LZIC: variants seen among roughly 807,000 people sequenced by gnomAD.
LZIC encodes leucine zipper and CTNNBIP1 domain containing.
A neutral mutation model predicts 25.4 loss-of-function variants in LZIC; 28 were observed. The ratio of observed to expected loss-of-function variants is 1.10; its 90% CI spans 0.82 to 1.51. The LOEUF (loss-of-function observed/expected upper bound fraction) is 1.51, where lower values mean the gene tolerates loss of function less well. Among genes scored for constraint, LZIC ranks in the 40% most tolerant of loss-of-function variants. LZIC has a pLI of 0.00. For missense variants in LZIC, 170 were observed against 211.1 expected (o/e 0.81, Z 1.21); for synonymous variants, 65 against 70.7 (o/e 0.92, Z 0.40).
rs924784426 is a variant in LZIC, at chr1:9,927,061, C to T, written c.*3338G>A. ...ATCCTATGAGGTAGGCCCTATTATC[C>T]TCATTGAATAGAAGAGAAAAGGAGG... On this transcript the variant is annotated 3_prime_UTR_variant, in exon 8 of 8. Coordinates refer to ENST00000377223, the MANE Select transcript of LZIC (RefSeq NM_032368.5). Among the ~76,000 whole-genome samples, 1 of 152,132 alleles carries T rather than the reference C, an allele frequency of 6.6e-6. No individual in the cohort carries two copies. The highest frequency in any genetic ancestry group is 6.6e-5 in the Admixed American group (1 of 15,252).
intron 6 of LZIC, 139 bp from the exon 7 acceptor site, chr1:9,932,111 G>T (rs541890644): frequency 8.7e-5 from 44 of 505,702 alleles, no homozygotes; most frequent in South Asian, 4.3e-4. Flanking sequence ...TGGGGGGGGG[G>T]GGGGGGTGGA....
downstream of LZIC, chr1:9,922,262 T>G (rs1461531990): frequency 2.0e-6 from 2 of 982,984 alleles, no homozygotes; most frequent in Non-Finnish European, 2.4e-6. Context: ...TATTCACAGG[T>G]CCTGGATCTT....
Position 9,927,305 on chromosome 1 carries a change from TAAC to T in LZIC, c.*3091_*3093del, listed in dbSNP as rs1036048039. ...CAAGATTAAGGATTCCAGATTCAGG[TAAC>T]TCTCTTTATCTTTTTTTTAGACAGG... is the stretch of plus-strand genomic sequence containing the variant. On this transcript the variant is annotated 3_prime_UTR_variant, in exon 8 of 8. Transcript: ENST00000377223. Among the ~76,000 whole-genome samples the T allele has an allele frequency of 1.3e-5, 2 of 152,142 alleles. No individual in the cohort carries two copies. Among genetic ancestry groups the T allele is most frequent in the Non-Finnish European group, 2.9e-5 (2 of 68,014 alleles).
Position 9,936,759 on chromosome 1 carries a change from G to A in LZIC, c.-8-132C>T. Reference sequence around the variant, plus strand: ...GGTCTCGGAACATCTGGCCTAAAGTGACCCTCCCATCTTGGACTACCAAAG... The same window carrying A: ...GGTCTCGGAACATCTGGCCTAAAGTAACCCTCCCATCTTGGACTACCAAAG... On this transcript the variant is annotated intron_variant, in intron 2 of 7. Transcript: ENST00000377223. The A allele has an allele frequency of 9.5e-6, 6 of 632,572 alleles. No homozygotes were observed. In the East Asian group the frequency reaches 1.4e-4, roughly 15 times the overall value. 39.2% of individuals were successfully genotyped at this position (632,572 alleles called of 1,614,324 possible).
chr1:9,922,202 G>A (rs1452162846), downstream of LZIC: 1 of 704,064 alleles, frequency 1.4e-6, no homozygotes, highest in Non-Finnish European at 1.7e-6. Flanking sequence ...TTCTTGTGCT[G>A]GGCTTTAACT....
intron 5 of LZIC, 62 bp downstream of exon 5, chr1:9,934,700 T>C (rs924559205): frequency 7.1e-7 from 1 of 1,411,928 alleles, no homozygotes; most frequent in Non-Finnish European, 1.0e-6. Flanking sequence ...TAGGATATCA[T>C]AATGAATTGG....
chr1:9,923,844 C>A (rs1639918168), downstream of LZIC, among the ~76,000 whole-genome samples: 1 of 152,066 alleles, frequency 6.6e-6, no homozygotes, highest in South Asian at 2.1e-4. Flanking sequence ...CCTCTGCCTC[C>A]CAGGTTCAAG....
In LZIC at chr1:9,927,300, T is replaced by C. The variant is rs1390706301; in HGVS notation, c.*3099A>G. ...AAAACCAAGATTAAGGATTCCAGAT[T>C]CAGGTAACTCTCTTTATCTTTTTTT... On this transcript the variant is annotated 3_prime_UTR_variant, in exon 8 of 8. Coordinates refer to ENST00000377223, the MANE Select transcript of LZIC (RefSeq NM_032368.5). Among the ~76,000 whole-genome samples the C allele has an allele frequency of 6.6e-6, 1 of 152,166 alleles. No individual in the cohort carries two copies. Among genetic ancestry groups the C allele is most frequent in the Admixed American group, 6.6e-5 (1 of 15,258 alleles).
Position 9,929,437 on chromosome 1 carries a change from C to T in LZIC, c.*962G>A. On this transcript the variant is annotated 3_prime_UTR_variant, in exon 8 of 8. Transcript: ENST00000377223. ...TTGAGCATACAGAGACATGTAAATA[C>T]TCAGGAGAGAAATTTGCTTTTCCTC... is the stretch of plus-strand genomic sequence containing the variant. The T allele has an allele frequency of 1.0e-6, 1 of 985,382 alleles. No homozygotes were observed. Among genetic ancestry groups the T allele is most frequent in the Non-Finnish European group, 1.2e-6 (1 of 829,908 alleles). 61.0% of individuals were successfully genotyped at this position (985,382 alleles called of 1,614,324 possible). A position where few individuals can be genotyped will look rare whatever the true frequency, so the allele number is the denominator to read the frequency against.
chr1:9,943,191 C>T (rs1640852771), intron 1 of LZIC, 58 bp downstream of exon 1: 2 of 173,376 alleles, frequency 1.2e-5, no homozygotes, highest in African/African-American at 4.7e-5. Context: ...CAACAGGCCC[C>T]AATTGCCACC....
chr1:9,929,946 C>T lies in LZIC; in HGVS notation c.*453G>A, dbSNP rs1435819591. Reference sequence around the variant, plus strand: ...TTGTTTGTAAAAACAGAAATGATTTCTAAGATCACTCAGAATTGTAAAATT... The same window carrying T: ...TTGTTTGTAAAAACAGAAATGATTTTTAAGATCACTCAGAATTGTAAAATT... On this transcript the variant is annotated 3_prime_UTR_variant, in exon 8 of 8. Transcript: ENST00000377223. 7 of 968,278 alleles carry T rather than the reference C, an allele frequency of 7.2e-6. No homozygotes were observed. In the East Asian group the frequency reaches 8.0e-4, roughly 110 times the overall value. The allele number at this position is 968,278 out of a possible 1,614,324, so 60.0% of individuals were successfully genotyped here. A position where few individuals can be genotyped will look rare whatever the true frequency, so the allele number is the denominator to read the frequency against.
In LZIC at chr1:9,934,797, T is replaced by C. The variant is rs780827086; in HGVS notation, c.301A>G (p.Lys101Glu). 2.2e-5 allele frequency: 35 copies of C among 1,614,058 alleles called. No homozygotes were observed. The highest frequency in any genetic ancestry group is 2.8e-5 in the Non-Finnish European group (33 of 1,180,026). ...TPEVIRLFAK[K>E]QPGQLRTRLA... ...CTTGTCCGAAGCTGACCTGGTTGTT[T>C]CTTTGCAAACAATCTGATGACCTCT... Residue 101 changes from lysine (K) to glutamate (E), a missense_variant, in exon 5 of 8, where the codon AAA becomes GAA. By Grantham distance (56) the Lys-to-Glu change is moderately conservative. Coordinates refer to ENST00000377223, the MANE Select transcript of LZIC (RefSeq NM_032368.5).
At chr1:9,924,809 C>T (rs1191352429), downstream of LZIC, among the ~76,000 whole-genome samples, 1 of 152,044 alleles carries the variant, frequency 6.6e-6, no homozygotes, top group East Asian at 1.9e-4. Flanking sequence ...AGAATAGCCT[C>T]GTGTAATATG....
At chr1:9,939,407 C>T (rs1379360464) in intron 2 of LZIC, among the ~76,000 whole-genome samples, 2 of 135,362 alleles carry the variant, frequency 1.5e-5, no homozygotes, top group Admixed American at 1.8e-4. Context: ...GCTCTGTCAC[C>T]CAGGCTGGAG....
At chr1:9,938,444 A>G (rs1028098144) in intron 2 of LZIC, among the ~76,000 whole-genome samples, 1 of 152,196 alleles carries the variant, frequency 6.6e-6, no homozygotes, top group Non-Finnish European at 1.5e-5. Context: ...TATAGGTGTA[A>G]GCCCACAAGC....
chr1:9,924,286 T>C (rs1639927921), downstream of LZIC, among the ~76,000 whole-genome samples: 1 of 152,216 alleles, frequency 6.6e-6, no homozygotes, highest in Non-Finnish European at 1.5e-5. Context: ...GTATTAACAA[T>C]AAAACACTTA....
At chr1:9,923,366 C>A (rs904091054), downstream of LZIC, among the ~76,000 whole-genome samples, 1 of 151,966 alleles carries the variant, frequency 6.6e-6, no homozygotes, top group African/African-American at 2.4e-5. Context: ...CCTGCCACCA[C>A]GCCCAGCTAA....
Position 9,942,703 on chromosome 1 carries a change from T to C in LZIC, c.-88A>G. 1 of 1,289,182 alleles carries C rather than the reference T, an allele frequency of 7.8e-7. No homozygotes were observed. Among genetic ancestry groups the C allele is most frequent in the Non-Finnish European group, 1.0e-6 (1 of 988,716 alleles). 79.9% of individuals were successfully genotyped at this position (1,289,182 alleles called of 1,614,324 possible). ...AACCTCCAGTTCTTGACGTTCCGAGTGTCATAAACTTGAGGAAAATGAAAT... is the reference window on the plus strand; with the variant it reads ...AACCTCCAGTTCTTGACGTTCCGAGCGTCATAAACTTGAGGAAAATGAAAT... On this transcript the variant is annotated 5_prime_UTR_variant, in exon 2 of 8. Transcript: ENST00000377223.
chr1:9,936,343 A>C (rs891544223), intron 3 of LZIC, among the ~76,000 whole-genome samples, 176 bp downstream of exon 3: 2 of 152,184 alleles, frequency 1.3e-5, no homozygotes, highest in African/African-American at 4.8e-5. Context: ...AATGACTTTC[A>C]TTTCCCAGCC....
Sources: allele counts gnomAD v4.1 joint callset (sites outside exome capture counted in the v4.1 genomes callset), GRCh38; gene constraint gnomAD v4.1.1; transcripts MANE v1.5; gene names NCBI Gene and HGNC (gene_info 2026-07-23, HGNC 2026-07-21).